NCAM2: variants seen among roughly 807,000 people sequenced by gnomAD.
NCAM2 encodes the protein N-CAM-2.
NCAM2 carries 30 observed loss-of-function variants against 98.1 expected under a neutral mutation model. The ratio of observed to expected loss-of-function variants is 0.31; its 90% confidence interval spans 0.23 to 0.41. NCAM2 has a LOEUF of 0.41. Among genes scored for constraint, NCAM2 ranks in the 10% least tolerant of loss-of-function variants. The pLI, the probability that NCAM2 is intolerant of heterozygous loss-of-function variation, is 1.00. For synonymous variants in NCAM2, 368 were observed against 342.4 expected, an observed-to-expected ratio of 1.07 and a Z score of -0.83; for missense variants, 867 against 1,005.8, an observed-to-expected ratio of 0.86 and a Z score of 1.87.
At chr21:21,474,214 A>G (rs1265827684) in intron 14 of NCAM2, among the ~76,000 whole-genome samples, 4 of 152,066 alleles carry the variant, frequency 2.6e-5, no homozygotes, top group African/African-American at 9.7e-5. Flanking sequence ...GGGGATTAAA[A>G]TGCCTTCTTG....
chr21:21,133,218 A>G (rs1453403987), intron 1 of NCAM2, among the ~76,000 whole-genome samples: 1 of 152,198 alleles, frequency 6.6e-6, no homozygotes, highest in Admixed American at 6.5e-5. Context: ...AATGAAGAAA[A>G]CATTCAGAAT....
chr21:21,405,394 A>G (rs944135035), intron 9 of NCAM2, among the ~76,000 whole-genome samples: 9 of 152,158 alleles, frequency 5.9e-5, no homozygotes, highest in Admixed American at 5.2e-4. Flanking sequence ...ATTTCTTCAT[A>G]AATGTCCTAA....
intron 11 of NCAM2, 117 bp from the exon 12 acceptor site, chr21:21,431,991 A>G (rs550077354): frequency 1.2e-5 from 10 of 801,688 alleles, no homozygotes; most frequent in African/African-American, 1.7e-5. Context: ...ACTCGAACAT[A>G]TTAAGTGATA....
chr21:21,404,126 T>C (rs1176641523), intron 9 of NCAM2, among the ~76,000 whole-genome samples: 1 of 152,174 alleles, frequency 6.6e-6, no homozygotes, highest in African/African-American at 2.4e-5. Flanking sequence ...CCTCTTTCAA[T>C]TTTAATTTCA....
At chr21:21,203,807 A>G (rs2069330137) in intron 1 of NCAM2, among the ~76,000 whole-genome samples, 1 of 152,176 alleles carries the variant, frequency 6.6e-6, no homozygotes. Context: ...AGATCTTTTT[A>G]TGTTTTATCA....
At chr21:21,268,765 T>A (rs1346433088) in intron 1 of NCAM2, among the ~76,000 whole-genome samples, 1 of 152,172 alleles carries the variant, frequency 6.6e-6, no homozygotes, top group African/African-American at 2.4e-5. Flanking sequence ...CAAGCTTAGC[T>A]TTTTCTTCAT....
At chr21:21,245,705 TTTTA>T (rs1175847342) in intron 1 of NCAM2, among the ~76,000 whole-genome samples, 1 of 152,232 alleles carries the variant, frequency 6.6e-6, no homozygotes, top group Non-Finnish European at 1.5e-5. Flanking sequence ...TGTTTCATAA[TTTTA>T]TTTCTCAGAT....
Position 21,068,393 on chromosome 21 carries a change from CT to C in NCAM2, c.55+69776del, listed in dbSNP as rs1169069674. 9.8e-3 allele frequency among the ~76,000 whole-genome samples: 1,485 copies of C among 151,350 alleles called. 36 individuals carry two copies. Among genetic ancestry groups the C allele is most frequent in the African/African-American group, 0.035 (1,428 of 41,214 alleles). ...AGGTGATCCGCCTGCCTTGGCCTCC[CT>C]AAGTGCTGGGATTACAGGCCTGAGC... On this transcript the variant is annotated intron_variant, in intron 1 of 17. Coordinates refer to ENST00000400546, the MANE Select transcript of NCAM2 (RefSeq NM_004540.5).
Position 21,529,747 on chromosome 21 carries a change from ACTCT to A in NCAM2, c.2283-4779_2283-4776del, listed in dbSNP as rs907132431. ...GACATTTACTGTCTTTAATGTGGAA[ACTCT>A]CTCTCTCTCTGTGTTAATATTAATA... On this transcript the variant is annotated intron_variant, in intron 16 of 17. Transcript: ENST00000400546. Among the ~76,000 whole-genome samples the A allele has an allele frequency of 5.3e-5, 8 of 150,692 alleles. No individual in the cohort carries two copies. In the South Asian group the frequency reaches 6.3e-4, roughly 12 times the overall value.
At chr21:21,507,575 C>T (rs894392906) in intron 15 of NCAM2, among the ~76,000 whole-genome samples, 24 of 152,004 alleles carry the variant, frequency 1.6e-4, no homozygotes, top group East Asian at 3.9e-4. Context: ...GGGCGGATCA[C>T]GAGGTCAGGA....
chr21:21,379,000 A>G lies in NCAM2; in HGVS notation c.1195+4987A>G, dbSNP rs2076093005. ...AAAAAATATTACCTAATTTAAGGCC[A>G]TGACAATTTATGTCTAAGCTTTCTT... On this transcript the variant is annotated intron_variant, in intron 9 of 17. Coordinates refer to ENST00000400546, the MANE Select transcript of NCAM2 (RefSeq NM_004540.5). 2.6e-5 allele frequency among the ~76,000 whole-genome samples: 4 copies of G among 152,218 alleles called. No homozygotes were observed. In the South Asian group the frequency reaches 6.2e-4, roughly 24 times the overall value.
At chr21:21,347,952 G>A in intron 8 of NCAM2, among the ~76,000 whole-genome samples, 1 of 151,938 alleles carries the variant, frequency 6.6e-6, no homozygotes, top group Admixed American at 6.6e-5. Context: ...GGGAATAGAA[G>A]GAATATATGT....
chr21:21,159,970 AT>A (rs947506311), intron 1 of NCAM2, among the ~76,000 whole-genome samples: 3 of 152,046 alleles, frequency 2.0e-5, no homozygotes, highest in Admixed American at 2.0e-4. Context: ...AACTATAGAA[AT>A]TTGTTATTGC....
At chr21:21,228,019 A>G (rs1310657031) in intron 1 of NCAM2, among the ~76,000 whole-genome samples, 1 of 151,786 alleles carries the variant, frequency 6.6e-6, no homozygotes, top group Non-Finnish European at 1.5e-5. Context: ...CTGAAGGTCA[A>G]TCACAGGTAG....
intron 3 of NCAM2, among the ~76,000 whole-genome samples, chr21:21,284,868 T>G (rs2073049358): frequency 6.6e-6 from 1 of 151,670 alleles, no homozygotes; most frequent in South Asian, 2.1e-4. Flanking sequence ...TGAGTCAGGA[T>G]TCTTTACCAC....
chr21:21,358,582 A>G (rs1336445987), intron 8 of NCAM2, among the ~76,000 whole-genome samples: 1 of 152,102 alleles, frequency 6.6e-6, no homozygotes, highest in East Asian at 1.9e-4. Context: ...CATATAGAAT[A>G]AGTTACATAA....
intron 14 of NCAM2, among the ~76,000 whole-genome samples, chr21:21,474,698 A>G (rs1317880125): frequency 6.6e-6 from 1 of 152,126 alleles, no homozygotes; most frequent in Non-Finnish European, 1.5e-5. Context: ...AGGGACATGC[A>G]GCTGTCTGCT....
chr21:21,314,540 C>T (rs908800335), intron 5 of NCAM2, among the ~76,000 whole-genome samples: 5 of 152,114 alleles, frequency 3.3e-5, no homozygotes, highest in African/African-American at 1.2e-4. Flanking sequence ...GATACATACA[C>T]ATATGTACAC....
rs565981118 is a variant in NCAM2 at position 21,031,779 on chromosome 21, C to A, written c.55+33161C>A. Among the ~76,000 whole-genome samples the A allele has an allele frequency of 1.5e-3, 219 of 147,306 alleles. 1 individual carries two copies. Among genetic ancestry groups the A allele is most frequent in the African/African-American group, 4.9e-3 (195 of 39,508 alleles). On this transcript the variant is annotated intron_variant, in intron 1 of 17. Transcript: ENST00000400546. ...ATAAATTTTGTCTCTCTCGATATAT[C>A]TCTCTCTCTCAATCTCACTCACACT... is the stretch of plus-strand genomic sequence containing the variant.
Sources: allele counts gnomAD v4.1 joint callset (sites outside exome capture counted in the v4.1 genomes callset), GRCh38; gene constraint gnomAD v4.1.1; transcripts MANE v1.5; gene names NCBI Gene and HGNC (gene_info 2026-07-23, HGNC 2026-07-21).